The following NRG3 variants were observed in gnomAD, a reference collection of about 807,000 sequenced individuals.
The protein encoded by NRG3 is neuregulin 3.
NRG3 carries 31 observed loss-of-function variants against 66.9 expected under a neutral mutation model. The ratio of observed to expected loss-of-function variants is 0.46; its 90% confidence interval spans 0.35 to 0.63. The LOEUF is 0.63. Among genes scored for constraint, NRG3 ranks in the 20% least tolerant of loss-of-function variants. The pLI, the probability that NRG3 is intolerant of heterozygous loss-of-function variation, is 0.00. For missense variants in NRG3, 910 were observed against 878.9 expected (o/e 1.04, Z -0.45); for synonymous variants, 393 against 359.4 (o/e 1.09, Z -1.06).
chr10:82,608,342 C>G (rs1334152546), intron 2 of NRG3, among the ~76,000 whole-genome samples: 3 of 152,056 alleles, frequency 2.0e-5, no homozygotes, highest in East Asian at 1.9e-4. Context: ...AGATTTTTCT[C>G]TTTGTGTTTA....
At position 81,875,445 on chromosome 10, in the gene NRG3, CG is replaced by C; in HGVS notation, c.110del (p.Gly37AlafsTer66). 2 of 1,198,172 alleles carry C rather than the reference CG, an allele frequency of 1.7e-6. No individual in the cohort carries two copies. Among genetic ancestry groups the C allele is most frequent in the Non-Finnish European group, 1.0e-6 (1 of 967,636 alleles). The allele number at this position is 1,198,172 out of a possible 1,614,324, so 74.2% of individuals were successfully genotyped here. On this transcript the variant is annotated frameshift_variant, in exon 1 of 9. Transcript: ENST00000372141. LOFTEE classifies it high-confidence loss of function. The surrounding 1 kb of genome is among the most constrained non-coding windows in gnomAD (Gnocchi z 5.3). ...CGGCTGCGGCGGCGGCAGCGGCGGG[CG>C]GGGGCCCGGACGGCGGCGGCGAAGG... is the stretch of plus-strand genomic sequence containing the variant. ...AAAAAAAAAGGGPDGGGEGAA... is the reference protein window; with the variant it reads ...AAAAAAAAAGXGPDGGGEGAA...
At chr10:81,993,359 C>G (rs1345057570) in intron 1 of NRG3, among the ~76,000 whole-genome samples, 1 of 151,606 alleles carries the variant, frequency 6.6e-6, no homozygotes, top group African/African-American at 2.4e-5. Flanking sequence ...GTTTTATTTT[C>G]TTTTTGAGAC....
At chr10:82,066,162 T>C (rs2064447970) in intron 1 of NRG3, among the ~76,000 whole-genome samples, 1 of 152,114 alleles carries the variant, frequency 6.6e-6, no homozygotes, top group African/African-American at 2.4e-5. Context: ...GTTTCTTTAT[T>C]TTGCCTAAAA....
intron 2 of NRG3, among the ~76,000 whole-genome samples, chr10:82,718,280 T>C (rs1200802034): frequency 1.3e-5 from 2 of 152,194 alleles, no homozygotes; most frequent in African/African-American, 4.8e-5. Flanking sequence ...TGACTCTTTC[T>C]TCACCTGTGC....
chr10:82,089,953 C>G (rs912286054), intron 1 of NRG3, among the ~76,000 whole-genome samples: 4 of 152,170 alleles, frequency 2.6e-5, no homozygotes, highest in Non-Finnish European at 5.9e-5. Flanking sequence ...AGTCAGTTCC[C>G]TGCCCCAGCT....
At chr10:82,878,966 C>G (rs1385007090) in intron 4 of NRG3, among the ~76,000 whole-genome samples, 2 of 152,218 alleles carry the variant, frequency 1.3e-5, no homozygotes, top group African/African-American at 2.4e-5. Context: ...TCCCTCAGCA[C>G]TAGCTATTGT....
At chr10:82,218,065 T>C (rs542993648) in intron 1 of NRG3, among the ~76,000 whole-genome samples, 1 of 152,326 alleles carries the variant, frequency 6.6e-6, no homozygotes, top group East Asian at 1.9e-4. Context: ...AAAATACATT[T>C]TTTGAAATAT....
At chr10:82,721,456 C>G (rs1466359093) in intron 2 of NRG3, among the ~76,000 whole-genome samples, 2 of 140,742 alleles carry the variant, frequency 1.4e-5, no homozygotes, top group Non-Finnish European at 3.1e-5. Flanking sequence ...GAGTTTCACT[C>G]TTGTCGCCCA....
intron 2 of NRG3, among the ~76,000 whole-genome samples, chr10:82,713,454 A>T (rs1339550291): frequency 6.6e-6 from 1 of 152,114 alleles, no homozygotes; most frequent in African/African-American, 2.4e-5. Context: ...CTACCATTGG[A>T]TAAGGGATGT....
chr10:82,449,570 A>G (rs1322901387), intron 2 of NRG3, among the ~76,000 whole-genome samples: 1 of 152,238 alleles, frequency 6.6e-6, no homozygotes, highest in African/African-American at 2.4e-5. Context: ...CTTGAAGTCT[A>G]TGATGAGTCA....
chr10:82,154,650 G>T (rs7894030), intron 1 of NRG3, among the ~76,000 whole-genome samples: 3,807 of 151,640 alleles, frequency 0.025, 157 homozygotes, highest in African/African-American at 0.086. Flanking sequence ...TCTGTAGATT[G>T]CTTTGGGTAG....
At chr10:82,358,160 A>G (rs1239774186) in intron 1 of NRG3, among the ~76,000 whole-genome samples, 1 of 152,226 alleles carries the variant, frequency 6.6e-6, no homozygotes, top group African/African-American at 2.4e-5. Context: ...TTAAATATTT[A>G]CCAGAAACAT....
chr10:82,029,649 A>G (rs2062473473), intron 1 of NRG3, among the ~76,000 whole-genome samples: 1 of 152,126 alleles, frequency 6.6e-6, no homozygotes, highest in South Asian at 2.1e-4. Context: ...ACTAGTTGGG[A>G]GTTAAAAACA....
rs539343860 is a variant in NRG3, at chr10:82,492,704, G to A, written c.953+133836G>A. 1.3e-4 allele frequency among the ~76,000 whole-genome samples: 20 copies of A among 152,328 alleles called. No homozygotes were observed. The South Asian group carries it at 2.5e-3, about 19-fold the overall frequency. On this transcript the variant is annotated intron_variant, in intron 2 of 8. Transcript: ENST00000372141. ...ACATTGCACCAAATTGGGCAGAGAC[G>A]AATAGCAAACCTTGGTCTTTTGACT...
intron 3 of NRG3, among the ~76,000 whole-genome samples, chr10:82,797,258 G>A (rs542322809): frequency 1.2e-4 from 19 of 152,246 alleles, no homozygotes; most frequent in African/African-American, 4.3e-4. Context: ...GAAATGGGAC[G>A]TTTCCTATGG....
chr10:82,511,152 G>A (rs1250295627), intron 2 of NRG3, among the ~76,000 whole-genome samples: 1 of 152,040 alleles, frequency 6.6e-6, no homozygotes, highest in African/African-American at 2.4e-5. Flanking sequence ...TGGACACAAG[G>A]GAAAGCATTT....
intron 4 of NRG3, among the ~76,000 whole-genome samples, chr10:82,897,959 C>T (rs897633016): frequency 6.6e-6 from 1 of 152,206 alleles, no homozygotes; most frequent in Non-Finnish European, 1.5e-5. Flanking sequence ...TCACTTAGCA[C>T]TTACTATAAG....
chr10:82,935,860 A>G (rs944285486), intron 4 of NRG3, among the ~76,000 whole-genome samples: 4 of 150,492 alleles, frequency 2.7e-5, no homozygotes, highest in African/African-American at 9.9e-5. Flanking sequence ...ATTGAATCTT[A>G]TAACATAATA....
At chr10:82,607,185 G>A (rs1019677470) in intron 2 of NRG3, among the ~76,000 whole-genome samples, 7 of 152,126 alleles carry the variant, frequency 4.6e-5, no homozygotes, top group African/African-American at 1.7e-4. Context: ...GAGGAGTATT[G>A]AAATCTTCAA....
Sources: gnomAD v4.1 joint callset for allele counts (sites outside exome capture counted in the v4.1 genomes callset) on GRCh38, gnomAD v4.1.1 for gene constraint, Gnocchi (gnomAD v3.1) non-coding constraint, MANE v1.5 for transcripts, NCBI Gene and HGNC (gene_info 2026-07-23, HGNC 2026-07-21) for gene names.